The following RFTN1 variants were observed in gnomAD, a reference collection of about 807,000 sequenced individuals.
RFTN1 encodes raftlin.
In RFTN1, 26 loss-of-function variants were observed where a neutral mutation model predicts 46.5. That is an observed-to-expected ratio of 0.56 (90% CI 0.41 to 0.78). The LOEUF (loss-of-function observed/expected upper bound fraction) is 0.78. RFTN1 is among the 30% of genes least tolerant of loss of function. The probability of loss-of-function intolerance (pLI) is 0.00; values close to 1 mark genes in which losing one functional copy is unlikely to be tolerated. For missense variants in RFTN1, 693 were observed against 718.7 expected (o/e 0.96, Z 0.41); for synonymous variants, 261 against 284.2 (o/e 0.92, Z 0.82).
rs901013944 is a variant in RFTN1, at chr3:16,451,563, G to A, written c.146-17526C>T. Among the ~76,000 whole-genome samples, 3 of 152,158 alleles carry A rather than the reference G, an allele frequency of 2.0e-5. No homozygotes were observed. The highest frequency in any genetic ancestry group is 4.4e-5 in the Non-Finnish European group (3 of 68,028). ...GTCCCCTCTTCTCCACAGGGGATATGCCTGAAACCACAGATAGTAAAGAAC... is the reference window on the plus strand; with the variant it reads ...GTCCCCTCTTCTCCACAGGGGATATACCTGAAACCACAGATAGTAAAGAAC... On this transcript the variant is annotated intron_variant, in intron 2 of 9. Transcript: ENST00000334133. This position sits in a 1 kb window ranked among gnomAD's most constrained non-coding sequence, Gnocchi z 4.2.
rs777049838 is a variant in RFTN1, at chr3:16,426,807, G to T, written c.332+7044C>A. Among the ~76,000 whole-genome samples, 1 of 151,974 alleles carries T rather than the reference G, an allele frequency of 6.6e-6. No individual in the cohort carries two copies. Among genetic ancestry groups the T allele is most frequent in the Non-Finnish European group, 1.5e-5 (1 of 68,008 alleles). ...AGATCTATCTCATAATGAATTTATG[G>T]TCCTTTAGTAAAAGATTGTAGCAAA... On this transcript the variant is annotated intron_variant, in intron 3 of 9. Transcript: ENST00000334133. This position sits in a 1 kb window ranked among gnomAD's most constrained non-coding sequence, Gnocchi z 5.9.
chr3:16,457,032 C>T lies in RFTN1; in HGVS notation c.146-22995G>A, dbSNP rs563011336. Among the ~76,000 whole-genome samples, 14 of 152,286 alleles carry T rather than the reference C, an allele frequency of 9.2e-5. No homozygotes were observed. Among genetic ancestry groups the T allele is most frequent in the Non-Finnish European group, 1.9e-4 (13 of 68,016 alleles). Reference sequence around the variant, plus strand: ...TTTTTTTAAATGACAGATGCCATTGCTATAAGAACTTTAATAAGTATATGT... The same window carrying T: ...TTTTTTTAAATGACAGATGCCATTGTTATAAGAACTTTAATAAGTATATGT... On this transcript the variant is annotated intron_variant, in intron 2 of 9. Coordinates refer to ENST00000334133, the MANE Select transcript of RFTN1 (RefSeq NM_015150.2). The surrounding 1 kb of genome is among the most constrained non-coding windows in gnomAD (Gnocchi z 4.2).
At chr3:16,461,445 C>T (rs925779135) in intron 2 of RFTN1, among the ~76,000 whole-genome samples, 1 of 152,228 alleles carries the variant, frequency 6.6e-6, no homozygotes, top group Non-Finnish European at 1.5e-5. Context: ...TAAATACATA[C>T]ACATAAATGT....
At chr3:16,397,717 G>A (rs1431069537) in intron 4 of RFTN1, among the ~76,000 whole-genome samples, 1 of 152,092 alleles carries the variant, frequency 6.6e-6, no homozygotes, top group Non-Finnish European at 1.5e-5. Flanking sequence ...ATTCATCATT[G>A]ATTTGGTACA....
At chr3:16,420,573 C>A (rs530082123) in intron 3 of RFTN1, among the ~76,000 whole-genome samples, 2 of 152,172 alleles carry the variant, frequency 1.3e-5, no homozygotes, top group Non-Finnish European at 2.9e-5. Flanking sequence ...TGATTGTTTT[C>A]TTCCTTCCCA....
At position 16,433,283 on chromosome 3, in the gene RFTN1, G is replaced by A. The variant is rs760933621; in HGVS notation, c.332+568C>T. Reference sequence around the variant, plus strand: ...TAGGCATAAGCATTCAACTGGGCAAGCCAAACTGAAAAACATCCCCAAGCC... The same window carrying A: ...TAGGCATAAGCATTCAACTGGGCAAACCAAACTGAAAAACATCCCCAAGCC... On this transcript the variant is annotated intron_variant, in intron 3 of 9. Coordinates refer to ENST00000334133, the MANE Select transcript of RFTN1 (RefSeq NM_015150.2). This position sits in a 1 kb window ranked among gnomAD's most constrained non-coding sequence, Gnocchi z 4.4. Among the ~76,000 whole-genome samples, 70 of 151,894 alleles carry A rather than the reference G, an allele frequency of 4.6e-4. No individual in the cohort carries two copies. The highest frequency in any genetic ancestry group is 3.8e-3 in the Admixed American group (58 of 15,268).
At chr3:16,379,768 A>G (rs537141742) in intron 4 of RFTN1, among the ~76,000 whole-genome samples, 4 of 152,372 alleles carry the variant, frequency 2.6e-5, no homozygotes, top group African/African-American at 7.2e-5. Flanking sequence ...TCCCTCATTA[A>G]TCTATGATAT....
rs1022673927 is a variant in RFTN1 at position 16,412,972 on chromosome 3, C to A, written c.333-3489G>T. Among the ~76,000 whole-genome samples the A allele has an allele frequency of 7.2e-5, 11 of 152,310 alleles. No individual in the cohort carries two copies. The South Asian group carries it at 8.3e-4, about 11-fold the overall frequency. On this transcript the variant is annotated intron_variant, in intron 3 of 9. Coordinates refer to ENST00000334133, the MANE Select transcript of RFTN1 (RefSeq NM_015150.2). The stretch of plus-strand genomic sequence containing the variant: ...CTGATGAGACTGCAGCCTGAGCCAA[C>A]ACTGATATTACAGCCTGATAAAATT...
In RFTN1 at chr3:16,337,865, C is replaced by T. The variant is rs1188057551; in HGVS notation, c.1147-10989G>A. ...ACACTCAAGGCTGGCACACCTAGCC[C>T]TTATTTGCTCCAGGCCGGACACTTT... On this transcript the variant is annotated intron_variant, in intron 7 of 9. Transcript: ENST00000334133. The surrounding 1 kb of genome is among the most constrained non-coding windows in gnomAD (Gnocchi z 5.0). Among the ~76,000 whole-genome samples, 1 of 152,184 alleles carries T rather than the reference C, an allele frequency of 6.6e-6. No individual in the cohort carries two copies. The highest frequency in any genetic ancestry group is 2.4e-5 in the African/African-American group (1 of 41,428).
rs143112382 is a variant in RFTN1, at chr3:16,415,455, T to G, written c.333-5972A>C. The stretch of plus-strand genomic sequence containing the variant: ...TACACACACACACACACATATATAC[T>G]TGAATATATATACTGAAGTCTGGAC... On this transcript the variant is annotated intron_variant, in intron 3 of 9. Transcript: ENST00000334133. Among the ~76,000 whole-genome samples the G allele has an allele frequency of 1.3e-3, 142 of 111,606 alleles. 4 individuals are homozygous for G. The East Asian group carries it at 0.032, about 25-fold the overall frequency. 73.2% of individuals were successfully genotyped at this position (111,606 alleles called of 152,430 possible). A position where few individuals can be genotyped will look rare whatever the true frequency, so the allele number is the denominator to read the frequency against.
rs1352096019 is a variant in RFTN1 at position 16,384,257 on chromosome 3, A to G, written c.442-6155T>C. ...GATGTCAGACTTGTTGGCCCCCACT[A>G]TCACATGAGCCAGTTCCTTAAAATA... On this transcript the variant is annotated intron_variant, in intron 4 of 9. Coordinates refer to ENST00000334133, the MANE Select transcript of RFTN1 (RefSeq NM_015150.2). This position sits in a 1 kb window ranked among gnomAD's most constrained non-coding sequence, Gnocchi z 4.7. 6.6e-6 allele frequency among the ~76,000 whole-genome samples: 1 copy of G among 152,214 alleles called. No individual in the cohort carries two copies. Among genetic ancestry groups the G allele is most frequent in the Non-Finnish European group, 1.5e-5 (1 of 68,038 alleles).
Position 16,387,854 on chromosome 3 carries a change from CCT to C in RFTN1, c.442-9754_442-9753del, listed in dbSNP as rs1220614740. ...GGCTTTTTAGCCCTCACCACCCCAT[CCT>C]CTCTGGTAGCTCATGCATTCCCCTC... is the stretch of plus-strand genomic sequence containing the variant. On this transcript the variant is annotated intron_variant, in intron 4 of 9. Coordinates refer to ENST00000334133, the MANE Select transcript of RFTN1 (RefSeq NM_015150.2). The surrounding 1 kb of genome is among the most constrained non-coding windows in gnomAD (Gnocchi z 5.2). Among the ~76,000 whole-genome samples the C allele has an allele frequency of 1.3e-5, 2 of 152,010 alleles. No individual in the cohort carries two copies. Among genetic ancestry groups the C allele is most frequent in the African/African-American group, 4.8e-5 (2 of 41,342 alleles).
At chr3:16,438,036 A>G (rs932384747) in intron 2 of RFTN1, among the ~76,000 whole-genome samples, 1 of 152,184 alleles carries the variant, frequency 6.6e-6, no homozygotes, top group Non-Finnish European at 1.5e-5. Flanking sequence ...ACTATCCAGC[A>G]CCAAGATCCC....
At chr3:16,397,098 G>C (rs961050064) in intron 4 of RFTN1, among the ~76,000 whole-genome samples, 2 of 148,386 alleles carry the variant, frequency 1.3e-5, no homozygotes, top group Non-Finnish European at 3.0e-5. Flanking sequence ...AGAGAGAGAA[G>C]AAAACCTGTC....
Position 16,433,848 on chromosome 3 carries a change from T to C in RFTN1, c.332+3A>G, listed in dbSNP as rs1241421196. The C allele has an allele frequency of 1.9e-6, 3 of 1,614,148 alleles. No individual in the cohort carries two copies. The highest frequency in any genetic ancestry group is 8.5e-7 in the Non-Finnish European group (1 of 1,179,998). On this transcript the variant is annotated splice_donor_region_variant and intron_variant, in intron 3 of 9. Coordinates refer to ENST00000334133, the MANE Select transcript of RFTN1 (RefSeq NM_015150.2). The surrounding 1 kb of genome is among the most constrained non-coding windows in gnomAD (Gnocchi z 4.4). ...GCTACCCATTCACCCGTGGAGGCCT[T>C]ACCTGTCGGTTTTCTTGATCAGGAT...
rs1693746335 is a variant in RFTN1, at chr3:16,513,285, C to G, written c.-9+157G>C. 2 of 152,442 alleles carry G rather than the reference C, an allele frequency of 1.3e-5. No homozygotes were observed. The highest frequency in any genetic ancestry group is 1.9e-4 in the East Asian group (1 of 5,198). The allele number at this position is 152,442 out of a possible 1,614,324, so 9.4% of individuals were successfully genotyped here. On this transcript the variant is annotated intron_variant, in intron 1 of 9. Coordinates refer to ENST00000334133, the MANE Select transcript of RFTN1 (RefSeq NM_015150.2). The surrounding 1 kb of genome is among the most constrained non-coding windows in gnomAD (Gnocchi z 5.4). ...CCCATCCGACGCGGGCCAGGGGGTG[C>G]TGCTCTGGCAGCTCCGGAGCCCCGG...
intron 1 of RFTN1, among the ~76,000 whole-genome samples, chr3:16,505,857 T>C (rs1051341106): frequency 6.6e-6 from 1 of 152,170 alleles, no homozygotes; most frequent in Non-Finnish European, 1.5e-5. Flanking sequence ...TCTAACAGGA[T>C]TGCCACTCTA....
At chr3:16,359,473 T>C (rs2072689954) in intron 6 of RFTN1, among the ~76,000 whole-genome samples, 2 of 152,126 alleles carry the variant, frequency 1.3e-5, no homozygotes, top group Non-Finnish European at 2.9e-5. Context: ...GGGGCCTTAG[T>C]CTAATAGGAC....
Position 16,339,206 on chromosome 3 carries a change from CA to C in RFTN1, c.1147-12331del, listed in dbSNP as rs759840630. On this transcript the variant is annotated intron_variant, in intron 7 of 9. Coordinates refer to ENST00000334133, the MANE Select transcript of RFTN1 (RefSeq NM_015150.2). ...GCCACATTCTCAAGCCATGCTGGAGCAATCACAGTTGGCCAATATTCTCTTT... is the reference window on the plus strand; with the variant it reads ...GCCACATTCTCAAGCCATGCTGGAGCATCACAGTTGGCCAATATTCTCTTT... 1.2e-4 allele frequency: 18 copies of C among 152,378 alleles called. 1 individual carries two copies. The highest frequency in any genetic ancestry group is 6.5e-4 in the Admixed American group (10 of 15,302). 9.4% of individuals were successfully genotyped at this position (152,378 alleles called of 1,614,324 possible).
Sources: gnomAD v4.1 joint callset for allele counts (sites outside exome capture counted in the v4.1 genomes callset) on GRCh38, gnomAD v4.1.1 for gene constraint, Gnocchi (gnomAD v3.1) non-coding constraint, MANE v1.5 for transcripts, NCBI Gene and HGNC (gene_info 2026-07-23, HGNC 2026-07-21) for gene names.